The following GALNT13 variants were observed in gnomAD, a reference collection of about 807,000 sequenced individuals.
GALNT13 encodes the protein UDP-GalNAc:polypeptide N-acetylgalactosaminyltransferase 13.
A neutral mutation model predicts 64.2 loss-of-function variants in GALNT13; 28 were observed. That is an observed-to-expected ratio of 0.44 (90% CI 0.32 to 0.60). The LOEUF (loss-of-function observed/expected upper bound fraction) is 0.60, where lower values mean the gene tolerates loss of function less well. Among genes scored for constraint, GALNT13 ranks in the 20% least tolerant of loss-of-function variants. The pLI is 0.05. For missense variants in GALNT13, 577 were observed against 669.8 expected (o/e 0.86, Z 1.53); for synonymous variants, 214 against 224.6 (o/e 0.95, Z 0.42).
chr2:153,267,090 A>G, the GALNT13 span, among the ~76,000 whole-genome samples: 1 of 152,230 alleles, frequency 6.6e-6, no homozygotes, highest in African/African-American at 2.4e-5. Context: ...TGGGGCAGTC[A>G]TTAAATATTA....
the GALNT13 span, among the ~76,000 whole-genome samples, chr2:153,834,172 C>G: frequency 6.6e-6 from 1 of 152,072 alleles, no homozygotes; most frequent in Non-Finnish European, 1.5e-5. Context: ...TTGTAAAGCT[C>G]TCTCACTCCC....
At chr2:153,954,348 G>A (rs978930978) in intron 3 of GALNT13, among the ~76,000 whole-genome samples, 5 of 152,078 alleles carry the variant, frequency 3.3e-5, no homozygotes, top group Non-Finnish European at 5.9e-5. Context: ...TAAAACAGTG[G>A]AATATACCAA....
At chr2:153,992,872 T>C (rs1441821432) in intron 3 of GALNT13, among the ~76,000 whole-genome samples, 1 of 152,222 alleles carries the variant, frequency 6.6e-6, no homozygotes, top group Non-Finnish European at 1.5e-5. Flanking sequence ...ATTATTTTTA[T>C]TGATGCTTAT....
the GALNT13 span, among the ~76,000 whole-genome samples, chr2:153,529,715 T>A: frequency 7.2e-5 from 11 of 152,064 alleles, no homozygotes; most frequent in African/African-American, 2.7e-4. Flanking sequence ...CACGATCAAG[T>A]GGGATTTGTC....
At chr2:153,341,899 C>T in the GALNT13 span, among the ~76,000 whole-genome samples, 1 of 152,100 alleles carries the variant, frequency 6.6e-6, no homozygotes, top group Non-Finnish European at 1.5e-5. Flanking sequence ...GTGGGGAGCA[C>T]TTTGTTCAGG....
the GALNT13 span, among the ~76,000 whole-genome samples, chr2:153,292,384 A>C: frequency 6.6e-6 from 1 of 152,240 alleles, no homozygotes; most frequent in Non-Finnish European, 1.5e-5. Context: ...ATCATGTTAA[A>C]AGCTGGATTT....
At chr2:153,256,768 G>T in the GALNT13 span, among the ~76,000 whole-genome samples, 3 of 152,202 alleles carry the variant, frequency 2.0e-5, no homozygotes, top group Admixed American at 6.5e-5. Flanking sequence ...CTGCTCGGGG[G>T]TCAAGGGTCA....
chr2:153,490,568 A>C, the GALNT13 span, among the ~76,000 whole-genome samples: 1 of 152,110 alleles, frequency 6.6e-6, no homozygotes, highest in African/African-American at 2.4e-5. Flanking sequence ...TTAATAGACA[A>C]AGGGTTTCAC....
chr2:154,370,617 G>T (rs1697630341), intron 9 of GALNT13, among the ~76,000 whole-genome samples: 1 of 152,084 alleles, frequency 6.6e-6, no homozygotes, highest in South Asian at 2.1e-4. Context: ...AAATGGAGAA[G>T]ATTGAAGGAA....
chr2:153,590,070 T>A, the GALNT13 span, among the ~76,000 whole-genome samples: 1 of 152,050 alleles, frequency 6.6e-6, no homozygotes, highest in African/African-American at 2.4e-5. Context: ...GGTAGTTTTT[T>A]AAAAGATAAA....
At chr2:153,690,402 A>C in the GALNT13 span, among the ~76,000 whole-genome samples, 1 of 152,110 alleles carries the variant, frequency 6.6e-6, no homozygotes, top group Non-Finnish European at 1.5e-5. Context: ...CCAATACAGA[A>C]TAAGCACGGT....
At chr2:154,445,295 G>T (rs554064463) in intron 12 of GALNT13, among the ~76,000 whole-genome samples, 2 of 151,594 alleles carry the variant, frequency 1.3e-5, no homozygotes, top group South Asian at 4.2e-4. Flanking sequence ...ATGCCCTGGG[G>T]TCATGTTTCC....
the GALNT13 span, among the ~76,000 whole-genome samples, chr2:153,659,560 T>C: frequency 1.3e-5 from 2 of 152,126 alleles, no homozygotes; most frequent in South Asian, 4.1e-4. Context: ...TAGTACAAAA[T>C]ACACTATGAC....
chr2:154,365,867 G>C (rs1016087488), intron 9 of GALNT13, among the ~76,000 whole-genome samples: 1 of 152,168 alleles, frequency 6.6e-6, no homozygotes, highest in Non-Finnish European at 1.5e-5. Flanking sequence ...TCAATGTGAA[G>C]AGTAATAAGT....
the GALNT13 span, among the ~76,000 whole-genome samples, chr2:153,182,075 G>T: frequency 6.7e-6 from 1 of 149,632 alleles, no homozygotes; most frequent in East Asian, 2.0e-4. Flanking sequence ...GCGGGGTCTC[G>T]CTCTGTCGCC....
intron 3 of GALNT13, among the ~76,000 whole-genome samples, chr2:153,995,899 T>A (rs1247706098): frequency 6.6e-6 from 1 of 152,164 alleles, no homozygotes; most frequent in Non-Finnish European, 1.5e-5. Context: ...CTTTTAGAAA[T>A]TTCATCTATT....
chr2:153,853,706 C>T, the GALNT13 span, among the ~76,000 whole-genome samples: 3 of 149,400 alleles, frequency 2.0e-5, no homozygotes, highest in Non-Finnish European at 3.0e-5. Context: ...TGCATAATAT[C>T]ATATAATTAT....
chr2:153,198,832 G>T, the GALNT13 span, among the ~76,000 whole-genome samples: 1 of 152,102 alleles, frequency 6.6e-6, no homozygotes, highest in Non-Finnish European at 1.5e-5. Context: ...TCCCTTATTT[G>T]TTTCACCTTT....
the GALNT13 span, among the ~76,000 whole-genome samples, chr2:153,141,766 A>G: frequency 3.9e-5 from 6 of 152,150 alleles, no homozygotes; most frequent in South Asian, 8.3e-4. Context: ...TCATTATAGA[A>G]GTCATCTAGC....
Sources: gnomAD v4.1 joint callset for allele counts (sites outside exome capture counted in the v4.1 genomes callset) on GRCh38, gnomAD v4.1.1 for gene constraint, MANE v1.5 for transcripts, NCBI Gene and HGNC (gene_info 2026-07-23, HGNC 2026-07-21) for gene names.